The following RARB variants were observed in gnomAD, a reference collection of about 807,000 sequenced individuals.
RARB encodes the protein HBV-activated protein.
In RARB, 17 loss-of-function variants were observed where a neutral mutation model predicts 51.9. That is an observed-to-expected ratio of 0.33 (90% CI 0.22 to 0.49). The LOEUF is 0.49. Ranked by LOEUF, RARB falls within the 20% of genes least tolerant of loss-of-function variation. RARB has a pLI of 0.99. For missense variants in RARB, 369 were observed against 550.8 expected (o/e 0.67, Z 3.30); for synonymous variants, 215 against 195.4 (o/e 1.10, Z -0.84).
intron 2 of RARB, among the ~76,000 whole-genome samples, chr3:25,032,289 A>G (rs1201374976): frequency 6.6e-6 from 1 of 152,150 alleles, no homozygotes; most frequent in Non-Finnish European, 1.5e-5. Flanking sequence ...GCCTTTCCCC[A>G]CCTTCCCCTT....
At chr3:24,919,445 C>T (rs1323424800) in intron 2 of RARB, among the ~76,000 whole-genome samples, 1 of 152,138 alleles carries the variant, frequency 6.6e-6, no homozygotes, top group Non-Finnish European at 1.5e-5. Context: ...AGATGGCCAA[C>T]TGTTCAAACC....
At chr3:24,891,638 G>A (rs565042739) in intron 2 of RARB, among the ~76,000 whole-genome samples, 2 of 152,230 alleles carry the variant, frequency 1.3e-5, no homozygotes, top group East Asian at 1.9e-4. Flanking sequence ...TAAAATATTA[G>A]CACTGATAGT....
chr3:25,169,415 G>T (rs549952730), intron 4 of RARB, among the ~76,000 whole-genome samples: 1 of 152,092 alleles, frequency 6.6e-6, no homozygotes, highest in African/African-American at 2.4e-5. Flanking sequence ...TGGAGACTTA[G>T]CAAAGAATTA....
At chr3:25,210,656 C>A (rs1326913861) in intron 5 of RARB, among the ~76,000 whole-genome samples, 1 of 149,218 alleles carries the variant, frequency 6.7e-6, no homozygotes, top group African/African-American at 2.5e-5. Flanking sequence ...GTGCCTCAGT[C>A]TCCTGAGTAA....
At chr3:24,829,396 G>T (rs1050120214) in exon 1 of RARB, among the ~76,000 whole-genome samples, 1 of 152,132 alleles carries the variant, frequency 6.6e-6, no homozygotes, top group East Asian at 1.9e-4. Flanking sequence ...AAGGCAGCCC[G>T]CCAAAAGGTA....
intron 2 of RARB, among the ~76,000 whole-genome samples, chr3:25,052,706 A>G (rs1014556838): frequency 1.3e-5 from 2 of 152,178 alleles, no homozygotes; most frequent in African/African-American, 4.8e-5. Context: ...AAAATAGTAA[A>G]GTAGATTGCA....
At chr3:25,385,707 G>C (rs1159072000) in intron 5 of RARB, among the ~76,000 whole-genome samples, 1 of 152,074 alleles carries the variant, frequency 6.6e-6, no homozygotes, top group Non-Finnish European at 1.5e-5. Context: ...TGCAGCAATA[G>C]GTGATCTACA....
intron 2 of RARB, among the ~76,000 whole-genome samples, chr3:25,045,164 C>A (rs926851254): frequency 1.3e-4 from 20 of 152,282 alleles, no homozygotes; most frequent in African/African-American, 4.3e-4. Context: ...AGCAAAAGTA[C>A]AGTGCCTTCT....
chr3:25,301,120 T>A (rs1704027507), intron 5 of RARB, among the ~76,000 whole-genome samples: 1 of 152,266 alleles, frequency 6.6e-6, no homozygotes, highest in Non-Finnish European at 1.5e-5. Context: ...TGACTTAATT[T>A]TTTTTTACTT....
chr3:24,896,466 A>G (rs1354672713), intron 2 of RARB, among the ~76,000 whole-genome samples: 1 of 151,958 alleles, frequency 6.6e-6, no homozygotes, highest in Admixed American at 6.6e-5. Context: ...TCACAGTGTT[A>G]GCCAGGATGG....
intron 1 of RARB, among the ~76,000 whole-genome samples, chr3:24,838,447 C>A (rs1228403632): frequency 6.6e-6 from 1 of 152,154 alleles, no homozygotes; most frequent in Admixed American, 6.5e-5. Context: ...AAGTCTACCT[C>A]TGATGATATG....
chr3:24,946,769 GT>G (rs1484746820), intron 2 of RARB, among the ~76,000 whole-genome samples: 1 of 152,106 alleles, frequency 6.6e-6, no homozygotes, highest in Non-Finnish European at 1.5e-5. Flanking sequence ...AGAAACTGAG[GT>G]GGGAAGATCA....
intron 5 of RARB, among the ~76,000 whole-genome samples, chr3:25,580,956 G>T (rs41285069): frequency 0.044 from 6,693 of 152,216 alleles, 189 homozygotes; most frequent in Non-Finnish European, 0.066. Context: ...ATGGGCTGAG[G>T]TTGGCAAACT....
chr3:24,912,868 A>C (rs1203858649), intron 2 of RARB, among the ~76,000 whole-genome samples: 1 of 152,076 alleles, frequency 6.6e-6, no homozygotes, highest in Non-Finnish European at 1.5e-5. Flanking sequence ...TCTCAAATCC[A>C]GGAAGAGATT....
chr3:25,182,004 TA>T (rs2125357865), intron 5 of RARB, among the ~76,000 whole-genome samples: 1 of 152,342 alleles, frequency 6.6e-6, no homozygotes, highest in South Asian at 2.1e-4. Flanking sequence ...ATTACTTTAT[TA>T]AAAATTACAT....
intron 3 of RARB, among the ~76,000 whole-genome samples, chr3:25,557,173 A>ACACACACC (rs1287317301): frequency 6.7e-6 from 1 of 148,992 alleles, no homozygotes. Context: ...ACACACACAC[A>ACACACACC]ATTGCCATGA....
intron 5 of RARB, among the ~76,000 whole-genome samples, chr3:25,329,190 C>A (rs566471512): frequency 1.3e-5 from 2 of 152,182 alleles, no homozygotes; most frequent in East Asian, 1.9e-4. Flanking sequence ...TCTCCCAGCA[C>A]GGAGTTTGAG....
intron 2 of RARB, among the ~76,000 whole-genome samples, chr3:25,495,211 GA>G (rs547637122): frequency 1.5e-4 from 23 of 151,956 alleles, no homozygotes; most frequent in African/African-American, 4.3e-4. Flanking sequence ...CATGTGTGAA[GA>G]AAAAAAATCT....
At chr3:25,494,253 G>GCACGCGCGCGCACTCACA (rs1553623182) in intron 2 of RARB, among the ~76,000 whole-genome samples, 72 of 131,966 alleles carry the variant, frequency 5.5e-4, no homozygotes, top group African/African-American at 1.5e-3. Context: ...TGTATCTTAC[G>GCACGCGCGCGCACTCACA]CACACACACA....
Sources: allele counts gnomAD v4.1 joint callset (sites outside exome capture counted in the v4.1 genomes callset), GRCh38; gene constraint gnomAD v4.1.1; transcripts MANE v1.5; gene names NCBI Gene and HGNC (gene_info 2026-07-23, HGNC 2026-07-21).